Variants in PRH1 observed in about 807,000 individuals in gnomAD.
The protein encoded by PRH1 is proline rich protein HaeIII subfamily 1, also known as salivary acidic proline-rich phosphoprotein 1/2.
In PRH1, 7 loss-of-function variants were observed where a neutral mutation model predicts 7.9. The ratio of observed to expected loss-of-function variants is 0.89; its 90% CI spans 0.50 to 1.67. PRH1 has a LOEUF of 1.67. Ranked by LOEUF, PRH1 falls within the 40% of genes most tolerant of loss-of-function variation. The pLI is 0.00. For synonymous variants in PRH1, 45 were observed against 80.8 expected (o/e 0.56, Z 2.38); for missense variants, 109 against 223.6 (o/e 0.49, Z 3.27).
intron 2 of PRH1, among the ~76,000 whole-genome samples, chr12:10,943,214 T>G (rs946938717): frequency 2.0e-5 from 3 of 152,212 alleles, no homozygotes; most frequent in Admixed American, 6.5e-5. Flanking sequence ...AATTTAGTCC[T>G]GCCTCCCATC....
At chr12:11,055,157 A>C (rs1240764276) in intron 1 of PRH1, among the ~76,000 whole-genome samples, 1 of 151,712 alleles carries the variant, frequency 6.6e-6, no homozygotes, top group Non-Finnish European at 1.5e-5. Flanking sequence ...ATGCCAAATG[A>C]CTTTGAGAAA....
chr12:11,133,321 G>C (rs369010511), intron 1 of PRH1: 2 of 1,613,518 alleles, frequency 1.2e-6, no homozygotes, highest in African/African-American at 2.7e-5. Context: ...TGAATCTATG[G>C]AGACGAAGGC....
At chr12:10,913,145 CATT>C (rs770759859) in intron 2 of PRH1, among the ~76,000 whole-genome samples, 2 of 152,152 alleles carry the variant, frequency 1.3e-5, no homozygotes, top group Non-Finnish European at 2.9e-5. Context: ...CATGAGGTGA[CATT>C]ATCTATTCTA....
At chr12:10,987,363 C>A (rs772789562) in intron 1 of PRH1, among the ~76,000 whole-genome samples, 1 of 152,020 alleles carries the variant, frequency 6.6e-6, no homozygotes, top group East Asian at 1.9e-4. Context: ...ACCACCATAA[C>A]GGATTTACTA....
chr12:11,056,639 G>C (rs1278596501), intron 1 of PRH1, among the ~76,000 whole-genome samples: 1 of 152,106 alleles, frequency 6.6e-6, no homozygotes, highest in African/African-American at 2.4e-5. Context: ...CCAACATGGT[G>C]AAACTCTATA....
At chr12:11,021,740 T>A (rs1383840693) in intron 1 of PRH1, 1 of 1,613,996 alleles carries the variant, frequency 6.2e-7, no homozygotes, top group Non-Finnish European at 8.5e-7. Context: ...ATAATCAGGA[T>A]GAATGAGTGG....
At chr12:10,911,819 TA>T (rs1949904080) in intron 2 of PRH1, among the ~76,000 whole-genome samples, 2 of 152,174 alleles carry the variant, frequency 1.3e-5, no homozygotes, top group African/African-American at 4.8e-5. Flanking sequence ...CACACTAATT[TA>T]AAAGCCTCCC....
At chr12:11,021,234 TG>T (rs1307631032) in intron 1 of PRH1, among the ~76,000 whole-genome samples, 3 of 152,170 alleles carry the variant, frequency 2.0e-5, no homozygotes, top group Admixed American at 6.5e-5. Flanking sequence ...GATTTAAAAT[TG>T]AATGTCTTTA....
intron 1 of PRH1, among the ~76,000 whole-genome samples, chr12:11,150,233 T>C (rs940285933): frequency 1.9e-4 from 29 of 151,072 alleles, no homozygotes; most frequent in African/African-American, 6.8e-4. Context: ...GACTGTAAAC[T>C]AGTTCAACCA....
chr12:11,007,622 C>T (rs1185393894), intron 1 of PRH1, among the ~76,000 whole-genome samples: 1 of 152,072 alleles, frequency 6.6e-6, no homozygotes, highest in African/African-American at 2.4e-5. Flanking sequence ...CTACCTTGAC[C>T]TTGGAATCTG....
chr12:11,087,213 T>A (rs1944736908), intron 1 of PRH1, among the ~76,000 whole-genome samples: 1 of 116,430 alleles, frequency 8.6e-6, no homozygotes, highest in African/African-American at 2.9e-5. Flanking sequence ...GCAATCCTCC[T>A]GCCTCAGCTT....
chr12:11,140,495 T>C (rs1946672932), intron 1 of PRH1, among the ~76,000 whole-genome samples: 1 of 152,152 alleles, frequency 6.6e-6, no homozygotes, highest in Non-Finnish European at 1.5e-5. Context: ...TGCAGTAATG[T>C]TCTTGTTCCT....
chr12:10,917,515 C>T (rs1949989208), intron 2 of PRH1, among the ~76,000 whole-genome samples: 1 of 152,228 alleles, frequency 6.6e-6, no homozygotes, highest in South Asian at 2.1e-4. Context: ...TGGCAATTTT[C>T]ATACTAACAA....
chr12:10,986,324 T>G, intron 1 of PRH1: 5 of 1,614,014 alleles, frequency 3.1e-6, no homozygotes, highest in Non-Finnish European at 4.2e-6. Flanking sequence ...ATAGGGTAGT[T>G]ACAGTCAAAT....
At position 11,144,680 on chromosome 12, in the gene PRH1, C is replaced by G. The variant is rs78165004; in HGVS notation, n.40-23500G>C. ...TTCTTCTGCCTGGGGGGTTTTACCCCCTGCTCCTCTGGCCACCCTCCTGAT... is the reference window on the plus strand; with the variant it reads ...TTCTTCTGCCTGGGGGGTTTTACCCGCTGCTCCTCTGGCCACCCTCCTGAT... On this transcript the variant is annotated intron_variant and non_coding_transcript_variant, in intron 1 of 1. Coordinates refer to the PRH1 transcript ENST00000541175. Among the ~76,000 whole-genome samples the G allele has an allele frequency of 9.5e-3, 1,445 of 152,290 alleles. 17 individuals are homozygous for G. The highest frequency in any genetic ancestry group is 0.041 in the Middle Eastern group (12 of 294).
chr12:11,008,056 T>C (rs540146429), intron 1 of PRH1, among the ~76,000 whole-genome samples: 16 of 151,990 alleles, frequency 1.1e-4, no homozygotes, highest in Admixed American at 3.9e-4. Context: ...AAGGGAAAAA[T>C]AGATGAGGAA....
rs184460638 is a variant in PRH1, at chr12:11,038,405, T to C, written c.-126+8615A>G. On this transcript the variant is annotated intron_variant, in intron 1 of 3. Transcript: ENST00000539853. Reference sequence around the variant, plus strand: ...TTCTTGACTATCCCAGTTGTTATGATGATCACTCATATGTTTCACTACAGA... The same window carrying C: ...TTCTTGACTATCCCAGTTGTTATGACGATCACTCATATGTTTCACTACAGA... Among the ~76,000 whole-genome samples the C allele has an allele frequency of 5.9e-5, 9 of 152,360 alleles. No individual in the cohort carries two copies. The East Asian group carries it at 1.3e-3, about 23-fold the overall frequency.
At chr12:11,107,893 A>G (rs1379274030) in intron 1 of PRH1, among the ~76,000 whole-genome samples, 3 of 152,248 alleles carry the variant, frequency 2.0e-5, no homozygotes, top group African/African-American at 7.2e-5. Context: ...TAAAGAAAGG[A>G]TTCTGAAAGC....
chr12:11,070,919 C>T (rs1219858244), intron 1 of PRH1, among the ~76,000 whole-genome samples: 1 of 152,082 alleles, frequency 6.6e-6, no homozygotes, highest in African/African-American at 2.4e-5. Flanking sequence ...TCACTACAGC[C>T]TTGAATTCCA....
Sources: gnomAD v4.1 joint callset for allele counts (sites outside exome capture counted in the v4.1 genomes callset) on GRCh38, gnomAD v4.1.1 for gene constraint, MANE v1.5 for transcripts, NCBI Gene and HGNC (gene_info 2026-07-23, HGNC 2026-07-21) for gene names.